STAT5B: variants seen among roughly 807,000 people sequenced by gnomAD.
STAT5B encodes the protein signal transducer and activator of transcription 5B, also known as transcription factor STAT5B.
In STAT5B, 21 loss-of-function variants were observed where a neutral mutation model predicts 107.8. That is an observed-to-expected ratio of 0.19 (90% confidence interval 0.14 to 0.28). The LOEUF is 0.28. Among genes scored for constraint, STAT5B ranks in the 10% least tolerant of loss-of-function variants. The pLI, the probability that STAT5B is intolerant of heterozygous loss-of-function variation, is 1.00. For synonymous variants in STAT5B, 325 were observed against 401.7 expected, an observed-to-expected ratio of 0.81 and a Z score of 2.28; for missense variants, 565 against 1,008.2, an observed-to-expected ratio of 0.56 and a Z score of 5.95.
At chr17:42,225,024 CCA>C (rs2080261443) in intron 3 of STAT5B, among the ~76,000 whole-genome samples, 156 bp from the exon 4 acceptor site, 1 of 152,082 alleles carries the variant, frequency 6.6e-6, no homozygotes, top group Admixed American at 6.6e-5. Context: ...TCATGGAAAT[CCA>C]ATTGCAGTGA....
intron 12 of STAT5B, among the ~76,000 whole-genome samples, chr17:42,213,913 G>A (rs1330149252): frequency 6.6e-6 from 1 of 151,272 alleles, no homozygotes; most frequent in Admixed American, 6.6e-5. Context: ...AGGCCGAGGT[G>A]GGTGGATCAC....
chr17:42,218,419 T>G, intron 8 of STAT5B, 89 bp from the exon 9 acceptor site: 1 of 1,549,058 alleles, frequency 6.5e-7, no homozygotes, highest in South Asian at 1.2e-5. Flanking sequence ...TGGGGCTGCC[T>G]CCCGAGGGGC....
At chr17:42,220,790 A>C (rs1468787684) in intron 5 of STAT5B, among the ~76,000 whole-genome samples, 3 of 152,142 alleles carry the variant, frequency 2.0e-5, no homozygotes, top group Non-Finnish European at 4.4e-5. Context: ...ATTACCTTTT[A>C]AAAATTATTA....
chr17:42,257,001 T>C (rs1463830392), intron 1 of STAT5B, among the ~76,000 whole-genome samples: 4 of 152,052 alleles, frequency 2.6e-5, no homozygotes, highest in East Asian at 1.9e-4. Flanking sequence ...AATATATATA[T>C]GTAGGGTTCA....
chr17:42,218,169 T>C lies in STAT5B; in HGVS notation c.1151A>G (p.Lys384Arg). Residue 384 changes from lysine to arginine, a missense_variant, in exon 9 of 19, where the codon AAG (lysine) becomes AGG (arginine). Physicochemically the swap from Lys to Arg is conservative, Grantham distance 26. Coordinates refer to ENST00000293328, the MANE Select transcript of STAT5B (RefSeq NM_012448.4). ...ISEQQAKSLLKNENTRNDYSG... is the reference protein window; with the variant it reads ...ISEQQAKSLLRNENTRNDYSG... ...CAATTACTTGCGGGTGTTCTCGTTC[T>C]TGAGCAGAGACTTGGCCTGCTGCTC... 1 of 1,614,206 alleles carries C rather than the reference T, an allele frequency of 6.2e-7. No individual in the cohort carries two copies. Among genetic ancestry groups the C allele is most frequent in the Non-Finnish European group, 8.5e-7 (1 of 1,180,028 alleles).
intron 1 of STAT5B, among the ~76,000 whole-genome samples, chr17:42,243,223 G>A (rs1391155815): frequency 6.6e-6 from 1 of 151,968 alleles, no homozygotes; most frequent in Non-Finnish European, 1.5e-5. Context: ...GGGCGTGGTG[G>A]CACACGCCTG....
chr17:42,201,530 A>G lies in STAT5B; in HGVS notation c.*208T>C, dbSNP rs1281769416. On this transcript the variant is annotated 3_prime_UTR_variant, in exon 19 of 19. Coordinates refer to ENST00000293328, the MANE Select transcript of STAT5B (RefSeq NM_012448.4). Reference sequence around the variant, plus strand: ...CACCATAACGTGCAAACACGCACACACACACACACACACACACACACACAA... The same window carrying G: ...CACCATAACGTGCAAACACGCACACGCACACACACACACACACACACACAA... 1.3e-5 allele frequency: 8 copies of G among 594,484 alleles called. No individual in the cohort carries two copies. The highest frequency in any genetic ancestry group is 6.1e-5 in the East Asian group (2 of 32,892). 36.8% of individuals were successfully genotyped at this position (594,484 alleles called of 1,614,324 possible). A position where few individuals can be genotyped will look rare whatever the true frequency, so the allele number is the denominator to read the frequency against.
intron 1 of STAT5B, among the ~76,000 whole-genome samples, chr17:42,246,706 G>A (rs1041580302): frequency 1.3e-5 from 2 of 152,074 alleles, no homozygotes; most frequent in East Asian, 1.9e-4. Context: ...AGACAGGAGC[G>A]CTCCCAGGAG....
intron 16 of STAT5B, among the ~76,000 whole-genome samples, chr17:42,207,061 T>C (rs1036481848): frequency 2.0e-5 from 3 of 151,738 alleles, no homozygotes; most frequent in African/African-American, 4.8e-5. Context: ...TTTGTAGAGA[T>C]AGGGTTTCAC....
intron 1 of STAT5B, among the ~76,000 whole-genome samples, chr17:42,255,655 G>A (rs531301949): frequency 2.0e-5 from 3 of 152,280 alleles, no homozygotes; most frequent in East Asian, 3.9e-4. Flanking sequence ...CTGCGGGGAG[G>A]GGCAAATGGA....
intron 3 of STAT5B, among the ~76,000 whole-genome samples, chr17:42,226,027 C>T (rs1375079460): frequency 6.6e-6 from 1 of 152,150 alleles, no homozygotes; most frequent in African/African-American, 2.4e-5. Context: ...CTCTGCCTCC[C>T]AGGTTTAAGA....
chr17:42,246,339 A>G (rs1317965220), intron 1 of STAT5B, among the ~76,000 whole-genome samples: 1 of 152,094 alleles, frequency 6.6e-6, no homozygotes, highest in Non-Finnish European at 1.5e-5. Context: ...TCAGAATTAT[A>G]AAAAAATTTT....
At chr17:42,221,825 T>C (rs1295783824) in intron 5 of STAT5B, among the ~76,000 whole-genome samples, 2 of 152,094 alleles carry the variant, frequency 1.3e-5, no homozygotes, top group African/African-American at 4.8e-5. Flanking sequence ...GTGGAGAAGA[T>C]AAAGAGTAAA....
At chr17:42,217,667 C>T in intron 9 of STAT5B, 2 of 627,056 alleles carry the variant, frequency 3.2e-6, no homozygotes. Flanking sequence ...ACTATCTTCA[C>T]AGAAAACAGT....
chr17:42,278,317 T>C (rs758559268), upstream of STAT5B, among the ~76,000 whole-genome samples: 2 of 152,196 alleles, frequency 1.3e-5, no homozygotes, highest in Non-Finnish European at 2.9e-5. Context: ...CTACTCGTGT[T>C]CAAGCCCAGA....
chr17:42,284,174 A>G, the STAT5B span, among the ~76,000 whole-genome samples: 1 of 151,878 alleles, frequency 6.6e-6, no homozygotes, highest in Non-Finnish European at 1.5e-5. Context: ...GGTGACCTCA[A>G]TCTGTTCTCC....
Position 42,200,689 on chromosome 17 carries a change from G to A in STAT5B, c.*1049C>T, listed in dbSNP as rs1303006087. 6.2e-6 allele frequency: 1 copy of A among 162,160 alleles called. No homozygotes were observed. Among genetic ancestry groups the A allele is most frequent in the Non-Finnish European group, 1.3e-5 (1 of 74,826 alleles). The allele number at this position is 162,160 out of a possible 1,614,324, so 10.0% of individuals were successfully genotyped here. ...GACCCAGGGCCCAATGCACAAGAGA[G>A]AATTTTGATGTCAAATTAGGGTGGC... On this transcript the variant is annotated 3_prime_UTR_variant, in exon 19 of 19. Transcript: ENST00000293328.
intron 8 of STAT5B, 73 bp from the exon 9 acceptor site, chr17:42,218,403 T>TG: frequency 2.6e-6 from 4 of 1,531,384 alleles, no homozygotes; most frequent in South Asian, 2.4e-5. Flanking sequence ...CCCTCTGTGG[T>TG]GGGGGTGGGG....
chr17:42,285,543 G>A, the STAT5B span, among the ~76,000 whole-genome samples: 1 of 152,208 alleles, frequency 6.6e-6, no homozygotes, highest in African/African-American at 2.4e-5. Context: ...TGATCTTCCT[G>A]AACCCCCATC....
Sources: gnomAD v4.1 joint callset for allele counts (sites outside exome capture counted in the v4.1 genomes callset) on GRCh38, gnomAD v4.1.1 for gene constraint, MANE v1.5 for transcripts, NCBI Gene and HGNC (gene_info 2026-07-23, HGNC 2026-07-21) for gene names.